The following IPMK variants were observed in gnomAD, a reference collection of about 807,000 sequenced individuals.
IPMK encodes inositol polyphosphate multikinase.
Under a neutral mutation model 45.8 loss-of-function variants are expected in IPMK, and 17 were observed. The ratio of observed to expected loss-of-function variants is 0.37; its 90% CI spans 0.25 to 0.56. IPMK has a LOEUF of 0.56. IPMK is among the 20% of genes least tolerant of loss of function. IPMK has a pLI of 0.79. For missense variants in IPMK, 399 were observed against 498.0 expected (o/e 0.80, Z 1.89); for synonymous variants, 180 against 184.3 (o/e 0.98, Z 0.19).
chr10:58,249,624 TAC>T, intron 1 of IPMK, among the ~76,000 whole-genome samples: 1 of 152,296 alleles, frequency 6.6e-6, no homozygotes, highest in East Asian at 1.9e-4. Flanking sequence ...AAGGATAGTC[TAC>T]AGATATTTTC....
chr10:58,229,906 C>T (rs1244073840), intron 2 of IPMK, among the ~76,000 whole-genome samples: 3 of 152,166 alleles, frequency 2.0e-5, no homozygotes, highest in Non-Finnish European at 4.4e-5. Flanking sequence ...CCTTTCCTAG[C>T]CAAGGGAAGC....
intron 2 of IPMK, among the ~76,000 whole-genome samples, chr10:58,230,949 C>T (rs2132161366): frequency 6.6e-6 from 1 of 152,278 alleles, no homozygotes; most frequent in South Asian, 2.1e-4. Flanking sequence ...AGATGAATCG[C>T]TAACTAGAAT....
At chr10:58,226,519 G>C (rs1838418548) in intron 3 of IPMK, among the ~76,000 whole-genome samples, 1 of 152,168 alleles carries the variant, frequency 6.6e-6, no homozygotes, top group African/African-American at 2.4e-5. Flanking sequence ...TTTTGGCAAA[G>C]GCCTTCTGGG....
intron 1 of IPMK, among the ~76,000 whole-genome samples, chr10:58,238,672 G>A (rs1588965539): frequency 6.6e-6 from 1 of 152,234 alleles, no homozygotes; most frequent in East Asian, 1.9e-4. Context: ...GATAGGTAAT[G>A]TGCTAACACT....
rs372242068 is a variant in IPMK, at chr10:58,198,967, AG to A, written c.628+272del. ...CAACCTCTAGTTCCAGTATTGAGTTAGATGGCTGGTACACAGCTGTTCATTT... is the reference window on the plus strand; with the variant it reads ...CAACCTCTAGTTCCAGTATTGAGTTAATGGCTGGTACACAGCTGTTCATTT... On this transcript the variant is annotated intron_variant, in intron 5 of 5. Transcript: ENST00000373935. Among the ~76,000 whole-genome samples the A allele has an allele frequency of 2.4e-4, 36 of 152,246 alleles. 1 individual carries two copies. In the East Asian group the frequency reaches 5.6e-3, roughly 24 times the overall value.
At chr10:58,214,400 GAAGGA>G (rs1490580336) in intron 4 of IPMK, among the ~76,000 whole-genome samples, 1 of 152,192 alleles carries the variant, frequency 6.6e-6, no homozygotes, top group Admixed American at 6.5e-5. Flanking sequence ...CTAAAAGTCA[GAAGGA>G]AAGAGGGAGG....
At chr10:58,216,997 T>C (rs746412125) in intron 3 of IPMK, among the ~76,000 whole-genome samples, 1 of 151,984 alleles carries the variant, frequency 6.6e-6, no homozygotes, top group Non-Finnish European at 1.5e-5. Flanking sequence ...ATGACAGGCG[T>C]GTACCACTGC....
intron 2 of IPMK, among the ~76,000 whole-genome samples, chr10:58,231,298 C>T (rs2132161540): frequency 6.6e-6 from 1 of 152,248 alleles, no homozygotes; most frequent in African/African-American, 2.4e-5. Context: ...GCAAGGCAGG[C>T]CAACATTTAA....
chr10:58,226,616 C>A (rs1388714097), intron 3 of IPMK, among the ~76,000 whole-genome samples: 1 of 152,116 alleles, frequency 6.6e-6, no homozygotes, highest in African/African-American at 2.4e-5. Context: ...ATGAAACTTA[C>A]CAGTGCTTTT....
chr10:58,220,249 A>G (rs767464649), intron 3 of IPMK, among the ~76,000 whole-genome samples: 3 of 151,612 alleles, frequency 2.0e-5, no homozygotes, highest in Non-Finnish European at 1.5e-5. Context: ...TTAAGTAAAT[A>G]TGCAGAGAGA....
intron 1 of IPMK, among the ~76,000 whole-genome samples, chr10:58,259,622 C>T (rs1217591686): frequency 2.1e-5 from 3 of 146,180 alleles, no homozygotes; most frequent in African/African-American, 7.9e-5. Context: ...CGCATGAGCT[C>T]AGGAGTTCAA....
At chr10:58,219,773 A>G (rs1838302185) in intron 3 of IPMK, among the ~76,000 whole-genome samples, 1 of 152,190 alleles carries the variant, frequency 6.6e-6, no homozygotes, top group Admixed American at 6.5e-5. Flanking sequence ...AAGACTAAGT[A>G]TTGTTGTCTG....
intron 1 of IPMK, among the ~76,000 whole-genome samples, chr10:58,259,686 A>AAAAAAAAAAAAAAAAAAAAAAC (rs1229420431): frequency 6.7e-6 from 1 of 150,008 alleles, no homozygotes; most frequent in East Asian, 1.9e-4. Flanking sequence ...AAAAAAAAAA[A>AAAAAAAAAAAAAAAAAAAAAAC]ACAATTAGCC....
chr10:58,262,421 A>C (rs1393379289), intron 1 of IPMK, among the ~76,000 whole-genome samples: 1 of 152,228 alleles, frequency 6.6e-6, no homozygotes, highest in Non-Finnish European at 1.5e-5. Flanking sequence ...ATCAAGGGAA[A>C]GGAAGAACTC....
At chr10:58,242,084 AG>A (rs907393063) in intron 1 of IPMK, among the ~76,000 whole-genome samples, 1 of 152,114 alleles carries the variant, frequency 6.6e-6, no homozygotes, top group African/African-American at 2.4e-5. Context: ...CAGATAAAAA[AG>A]CAAGGAAAAT....
At chr10:58,251,184 A>G (rs1838874296) in intron 1 of IPMK, among the ~76,000 whole-genome samples, 1 of 152,112 alleles carries the variant, frequency 6.6e-6, no homozygotes, top group African/African-American at 2.4e-5. Context: ...ATGTGTTGGT[A>G]TGCTGTTTCC....
chr10:58,257,905 G>A (rs1187705003), intron 1 of IPMK, among the ~76,000 whole-genome samples: 3 of 152,182 alleles, frequency 2.0e-5, no homozygotes, highest in African/African-American at 4.8e-5. Context: ...AAATAAGTGT[G>A]TACTAAATTA....
intron 3 of IPMK, among the ~76,000 whole-genome samples, chr10:58,224,528 T>G (rs1008272407): frequency 6.6e-6 from 1 of 152,220 alleles, no homozygotes; most frequent in Admixed American, 6.5e-5. Flanking sequence ...CTGAGTTGTA[T>G]GCTTTAAATG....
At chr10:58,258,038 T>C (rs906552679) in intron 1 of IPMK, among the ~76,000 whole-genome samples, 2 of 152,100 alleles carry the variant, frequency 1.3e-5, no homozygotes, top group African/African-American at 4.8e-5. Flanking sequence ...AGGCCAGGCG[T>C]GGTGGCTCAC....
Sources: allele counts gnomAD v4.1 joint callset (sites outside exome capture counted in the v4.1 genomes callset), GRCh38; gene constraint gnomAD v4.1.1; transcripts MANE v1.5; gene names NCBI Gene and HGNC (gene_info 2026-07-23, HGNC 2026-07-21).